Variants in SLC16A10 observed in about 807,000 individuals in gnomAD.
The protein encoded by SLC16A10 is solute carrier family 16 member 10, also known as monocarboxylate transporter 10.
Under a neutral mutation model 40.0 loss-of-function variants are expected in SLC16A10, and 27 were observed. That is an observed-to-expected ratio of 0.67 (90% CI 0.50 to 0.93). The LOEUF is 0.93. Among genes scored for constraint, SLC16A10 ranks in the 40% least tolerant of loss-of-function variants. The pLI is 0.00. For synonymous variants in SLC16A10, 213 were observed against 249.8 expected (o/e 0.85, Z 1.39); for missense variants, 529 against 658.2 (o/e 0.80, Z 2.15).
intron 1 of SLC16A10, among the ~76,000 whole-genome samples, chr6:111,118,402 C>T (rs1771525724): frequency 6.6e-6 from 1 of 152,134 alleles, no homozygotes; most frequent in Non-Finnish European, 1.5e-5. Flanking sequence ...GAATTATTGG[C>T]TGGGTGTGGT....
chr6:111,103,326 TC>T (rs1392850864), intron 1 of SLC16A10, among the ~76,000 whole-genome samples: 4 of 152,106 alleles, frequency 2.6e-5, no homozygotes, highest in African/African-American at 9.7e-5. Context: ...CAAGCGATTC[TC>T]CTGTCTCAGC....
chr6:111,088,226 G>A (rs1770906412), intron 1 of SLC16A10, 131 bp downstream of exon 1: 3 of 905,542 alleles, frequency 3.3e-6, no homozygotes, highest in East Asian at 3.0e-5. Flanking sequence ...GTGCGAGCAG[G>A]GGGGTCTTTC....
intron 3 of SLC16A10, chr6:111,178,680 C>T (rs1358297625): frequency 6.4e-5 from 13 of 201,776 alleles, no homozygotes; most frequent in South Asian, 2.3e-4. Context: ...TACAATTCAC[C>T]GTAAATGATA....
At chr6:111,133,929 C>G (rs1427318078) in intron 1 of SLC16A10, among the ~76,000 whole-genome samples, 1 of 152,204 alleles carries the variant, frequency 6.6e-6, no homozygotes, top group Non-Finnish European at 1.5e-5. Context: ...GGTAAATTCT[C>G]AGATAACCCT....
chr6:111,212,808 T>C (rs5879093), intron 4 of SLC16A10, among the ~76,000 whole-genome samples: 2 of 32,864 alleles, frequency 6.1e-5, no homozygotes, highest in Non-Finnish European at 2.2e-4. Context: ...AATAAAAAAA[T>C]AAAAAAAAAT....
At chr6:111,201,641 AC>A (rs1167380416) in intron 3 of SLC16A10, among the ~76,000 whole-genome samples, 1 of 152,164 alleles carries the variant, frequency 6.6e-6, no homozygotes, top group African/African-American at 2.4e-5. Flanking sequence ...AAAAGTACTC[AC>A]CCCCTTAAAA....
intron 3 of SLC16A10, among the ~76,000 whole-genome samples, chr6:111,188,246 TCTCTCTCCCTCTCTCC>T (rs146358093): frequency 0.16 from 24,833 of 151,088 alleles, 2,212 homozygotes; most frequent in East Asian, 0.26. Context: ...TCATTTACTT[TCTCTCTCCCTCTCTCC>T]CTCTCTCCCT....
At chr6:111,106,418 A>G (rs888931120) in intron 1 of SLC16A10, among the ~76,000 whole-genome samples, 15 of 152,322 alleles carry the variant, frequency 9.8e-5, no homozygotes, top group Non-Finnish European at 1.8e-4. Flanking sequence ...CCACTTCAAG[A>G]GGCAGACTAT....
Position 111,213,639 on chromosome 6 carries a change from A to G in SLC16A10, c.1087-5175A>G, listed in dbSNP as rs562154591. On this transcript the variant is annotated intron_variant, in intron 4 of 5. Transcript: ENST00000368851. Reference sequence around the variant, plus strand: ...GTAAATGATCAGAGGCTCCGTACTCAGTCTCATCTAGACTGTGGCACTGGG... The same window carrying G: ...GTAAATGATCAGAGGCTCCGTACTCGGTCTCATCTAGACTGTGGCACTGGG... Among the ~76,000 whole-genome samples, 10 of 152,332 alleles carry G rather than the reference A, an allele frequency of 6.6e-5. 1 individual carries two copies. The South Asian group carries it at 2.1e-3, about 32-fold the overall frequency.
At chr6:111,217,780 C>T (rs984645879) in intron 4 of SLC16A10, among the ~76,000 whole-genome samples, 26 of 152,124 alleles carry the variant, frequency 1.7e-4, no homozygotes, top group African/African-American at 6.3e-4. Context: ...AGGTTCTGTG[C>T]CTTAAAAAAG....
chr6:111,119,290 C>A (rs965985080), intron 1 of SLC16A10, among the ~76,000 whole-genome samples: 5 of 152,170 alleles, frequency 3.3e-5, no homozygotes, highest in African/African-American at 1.2e-4. Flanking sequence ...CAAAAATATT[C>A]TCTGTAAAGA....
At chr6:111,211,148 G>A (rs546794467) in intron 4 of SLC16A10, among the ~76,000 whole-genome samples, 2 of 152,248 alleles carry the variant, frequency 1.3e-5, no homozygotes, top group Admixed American at 1.3e-4. Context: ...AGTGCAAGAG[G>A]GGAGGAAGAC....
chr6:111,209,222 G>A (rs1051107211), intron 4 of SLC16A10, among the ~76,000 whole-genome samples: 1 of 152,058 alleles, frequency 6.6e-6, no homozygotes, highest in African/African-American at 2.4e-5. Context: ...TAGAGAAAAA[G>A]AGTAGAGGTC....
intron 1 of SLC16A10, among the ~76,000 whole-genome samples, chr6:111,143,902 T>C (rs1044816191): frequency 6.6e-6 from 1 of 152,128 alleles, no homozygotes; most frequent in Admixed American, 6.5e-5. Flanking sequence ...GATGGGAGGA[T>C]CACTTGAGGC....
rs924864376 is a variant in SLC16A10, at chr6:111,088,789, G to A, written c.343+694G>A. On this transcript the variant is annotated intron_variant, in intron 1 of 5. Transcript: ENST00000368851. ...TTTGACATTTTTTTTTAACCATATA[G>A]TAAATTAGATACAAAAGGTGCAGAT... 2.0e-5 allele frequency among the ~76,000 whole-genome samples: 3 copies of A among 151,446 alleles called. No homozygotes were observed. The South Asian group carries it at 6.2e-4, about 32-fold the overall frequency.
chr6:111,219,190 T>A (rs1211643224), intron 5 of SLC16A10, 148 bp downstream of exon 5: 7 of 728,184 alleles, frequency 9.6e-6, no homozygotes, highest in African/African-American at 1.8e-5. Context: ...GTAACATTTT[T>A]AATAAGACTA....
At chr6:111,125,777 A>G (rs548150953) in intron 1 of SLC16A10, among the ~76,000 whole-genome samples, 29 of 152,270 alleles carry the variant, frequency 1.9e-4, no homozygotes, top group African/African-American at 6.5e-4. Context: ...ATAAAGTAAC[A>G]CCCTTAATTC....
At chr6:111,100,942 C>G (rs1471659040) in intron 1 of SLC16A10, among the ~76,000 whole-genome samples, 4 of 132,842 alleles carry the variant, frequency 3.0e-5, no homozygotes, top group Non-Finnish European at 6.4e-5. Flanking sequence ...TTGGGGTTCT[C>G]TCTCGCTCTT....
chr6:111,101,012 ATATAT>A (rs1771176744), intron 1 of SLC16A10, among the ~76,000 whole-genome samples: 1 of 138,672 alleles, frequency 7.2e-6, no homozygotes, highest in African/African-American at 2.9e-5. Context: ...ATATATATAT[ATATAT>A]AAATATATGT....
Sources: allele counts gnomAD v4.1 joint callset (sites outside exome capture counted in the v4.1 genomes callset), GRCh38; gene constraint gnomAD v4.1.1; transcripts MANE v1.5; gene names NCBI Gene and HGNC (gene_info 2026-07-23, HGNC 2026-07-21).